The following UHRF2 variants were observed in gnomAD, a reference collection of about 807,000 sequenced individuals.
UHRF2 encodes ubiquitin like with PHD and ring finger domains 2.
In UHRF2, 23 loss-of-function variants were observed where a neutral mutation model predicts 96.8. That is an observed-to-expected ratio of 0.24 (90% CI 0.17 to 0.34). UHRF2 has a LOEUF of 0.34. Among genes scored for constraint, UHRF2 ranks in the 10% least tolerant of loss-of-function variants. The pLI is 1.00. For missense variants in UHRF2, 685 were observed against 981.5 expected (o/e 0.70, Z 4.04); for synonymous variants, 385 against 332.6 (o/e 1.16, Z -1.72).
chr9:6,439,241 G>C (rs913991632), intron 3 of UHRF2, among the ~76,000 whole-genome samples: 2 of 152,142 alleles, frequency 1.3e-5, no homozygotes. Context: ...CTGGAGTGCC[G>C]TGGTGTGATC....
At chr9:6,470,727 T>C (rs1231125210) in intron 4 of UHRF2, among the ~76,000 whole-genome samples, 1 of 152,174 alleles carries the variant, frequency 6.6e-6, no homozygotes, top group Non-Finnish European at 1.5e-5. Context: ...GTAGTGAAAG[T>C]AAAATTTAAA....
intron 8 of UHRF2, among the ~76,000 whole-genome samples, chr9:6,484,139 C>A (rs1444906378): frequency 6.6e-6 from 1 of 151,416 alleles, no homozygotes; most frequent in Non-Finnish European, 1.5e-5. Flanking sequence ...GTAGCAATGA[C>A]AGCTCACTGT....
Position 6,486,916 on chromosome 9 carries a change from G to A in UHRF2, c.1488G>A (p.Ala496=), listed in dbSNP as rs145394234. 6.8e-5 allele frequency: 110 copies of A among 1,613,912 alleles called. No individual in the cohort carries two copies. The Admixed American group carries it at 8.7e-4, about 13-fold the overall frequency. The change falls in exon 9 of 16, where the codon GCG becomes GCA. Residue 496 remains alanine, a synonymous_variant. Coordinates refer to ENST00000276893, the MANE Select transcript of UHRF2 (RefSeq NM_152896.3). ...CTCTTGTACTGGCTGGTGGATTTGCGGATGAAGTCGTAAGTCATTATACAA... is the reference window on the plus strand; with the variant it reads ...CTCTTGTACTGGCTGGTGGATTTGCAGATGAAGTCGTAAGTCATTATACAA... The part of the protein sequence containing the change: ...AYSLVLAGGF[A]DEVDRGDEFT...
chr9:6,471,586 G>C (rs550479102), intron 4 of UHRF2, among the ~76,000 whole-genome samples: 40 of 152,278 alleles, frequency 2.6e-4, no homozygotes, highest in African/African-American at 9.4e-4. Context: ...AGGCTATCCA[G>C]GCAGCTTTTT....
chr9:6,454,747 C>T (rs1822077803), intron 3 of UHRF2, among the ~76,000 whole-genome samples: 1 of 152,154 alleles, frequency 6.6e-6, no homozygotes, highest in Non-Finnish European at 1.5e-5. Context: ...GGTAACGGTT[C>T]AAGATTTCTT....
chr9:6,447,214 A>G (rs1411120388), intron 3 of UHRF2, among the ~76,000 whole-genome samples: 1 of 152,124 alleles, frequency 6.6e-6, no homozygotes, highest in Non-Finnish European at 1.5e-5. Context: ...TAACCTAATT[A>G]TGTTGTTTCT....
At chr9:6,447,159 G>T (rs1259979937) in intron 3 of UHRF2, among the ~76,000 whole-genome samples, 1 of 152,132 alleles carries the variant, frequency 6.6e-6, no homozygotes, top group Non-Finnish European at 1.5e-5. Flanking sequence ...AAAGTGCTGG[G>T]ATTACAGGCA....
At position 6,453,819 on chromosome 9, in the gene UHRF2, C is replaced by T. The variant is rs559553939; in HGVS notation, c.645-6754C>T. Among the ~76,000 whole-genome samples the T allele has an allele frequency of 9.2e-5, 14 of 152,102 alleles. No homozygotes were observed. In the East Asian group the frequency reaches 2.7e-3, roughly 29 times the overall value. ...ACTTGGGAGGCTGAGGCAGGAGAAT[C>T]GCTTGGACCCAGGAGGCGGAGGTTA... On this transcript the variant is annotated intron_variant, in intron 3 of 15. Coordinates refer to ENST00000276893, the MANE Select transcript of UHRF2 (RefSeq NM_152896.3).
intron 2 of UHRF2, among the ~76,000 whole-genome samples, chr9:6,426,002 C>T (rs1406026698): frequency 6.6e-6 from 1 of 152,150 alleles, no homozygotes; most frequent in Non-Finnish European, 1.5e-5. Context: ...ATTGTTTGGG[C>T]ATTGACAGGA....
At chr9:6,479,187 A>G (rs1054354721) in intron 6 of UHRF2, among the ~76,000 whole-genome samples, 1 of 152,134 alleles carries the variant, frequency 6.6e-6, no homozygotes, top group Non-Finnish European at 1.5e-5. Context: ...CTCAAGAGCT[A>G]TCTCTACTAA....
chr9:6,458,454 A>AT (rs201101140), intron 3 of UHRF2, among the ~76,000 whole-genome samples: 17,452 of 141,590 alleles, frequency 0.12, 1,239 homozygotes, highest in East Asian at 0.27. Context: ...TGGATTGTTG[A>AT]TTTTTTTTTT....
chr9:6,475,483 C>G lies in UHRF2; in HGVS notation c.956C>G (p.Ala319Gly). The part of the protein sequence containing the change: ...ERPGAHPLSF[A>G]DGKFLRRNDP... ...CCTGGAGCCCATCCCCTTTCATTTG[C>G]AGATGGAAAGTTTTTAAGTATGGAT... Residue 319 changes from alanine to glycine, a missense_variant, in exon 5 of 16, where the codon GCA becomes GGA. Around this residue, in one of 6 missense-constraint regions of UHRF2, gnomAD observed 391 missense variants for 437.0 expected, o/e 0.89. Coordinates refer to ENST00000276893, the MANE Select transcript of UHRF2 (RefSeq NM_152896.3). 1 of 1,588,120 alleles carries G rather than the reference C, an allele frequency of 6.3e-7. No individual in the cohort carries two copies. Among genetic ancestry groups the G allele is most frequent in the Non-Finnish European group, 8.6e-7 (1 of 1,166,492 alleles).
intron 7 of UHRF2, 106 bp from the exon 8 acceptor site, chr9:6,481,886 A>G (rs1278576560): frequency 1.3e-6 from 2 of 1,534,622 alleles, no homozygotes; most frequent in Non-Finnish European, 1.8e-6. Context: ...TATCAATGGT[A>G]CTTAAATTAC....
At chr9:6,473,115 A>G (rs890407563) in intron 4 of UHRF2, among the ~76,000 whole-genome samples, 4 of 152,172 alleles carry the variant, frequency 2.6e-5, no homozygotes, top group African/African-American at 9.7e-5. Flanking sequence ...AAAATGGGCA[A>G]GATGAACCTG....
intron 6 of UHRF2, 102 bp downstream of exon 6, chr9:6,477,910 G>A: frequency 1.8e-6 from 2 of 1,100,274 alleles, no homozygotes; most frequent in Middle Eastern, 3.0e-4. Flanking sequence ...TAATATAAAA[G>A]TGCTTAAAAT....
intron 13 of UHRF2, among the ~76,000 whole-genome samples, chr9:6,500,347 A>G (rs1266016118): frequency 6.6e-6 from 1 of 152,212 alleles, no homozygotes; most frequent in Admixed American, 6.5e-5. Flanking sequence ...CTGGGGGGGC[A>G]TGGTAGAAGA....
At chr9:6,420,356 A>G (rs1427977429) in intron 1 of UHRF2, among the ~76,000 whole-genome samples, 1 of 144,358 alleles carries the variant, frequency 6.9e-6, no homozygotes, top group African/African-American at 2.5e-5. Context: ...CGCCCGGCCC[A>G]TTTTTTTTGT....
chr9:6,439,316 C>G (rs1336730091), intron 3 of UHRF2, among the ~76,000 whole-genome samples: 1 of 152,192 alleles, frequency 6.6e-6, no homozygotes, highest in Non-Finnish European at 1.5e-5. Context: ...TCCTGAGACA[C>G]AGATGTGCAC....
chr9:6,448,932 G>A (rs990993122), intron 3 of UHRF2, among the ~76,000 whole-genome samples: 5 of 152,146 alleles, frequency 3.3e-5, no homozygotes, highest in African/African-American at 1.2e-4. Flanking sequence ...TGTTTATTAC[G>A]GAAATCTTTA....
Sources: allele counts gnomAD v4.1 joint callset (sites outside exome capture counted in the v4.1 genomes callset), GRCh38; gene constraint gnomAD v4.1.1; regional missense constraint gnomAD v4.1.1; transcripts MANE v1.5; gene names NCBI Gene and HGNC (gene_info 2026-07-23, HGNC 2026-07-21).